The following HERC5 variants were observed in gnomAD, a reference collection of about 807,000 sequenced individuals.
The protein encoded by HERC5 is E3 ISG15--protein ligase HERC5.
In HERC5, 99 loss-of-function variants were observed where a neutral mutation model predicts 119.6. The observed-to-expected ratio is 0.83, with a 90% CI of 0.70 to 0.98. The LOEUF (loss-of-function observed/expected upper bound fraction) is 0.98, where lower values mean the gene tolerates loss of function less well. Among genes scored for constraint, HERC5 ranks in the 50% least tolerant of loss-of-function variants. The probability of loss-of-function intolerance (pLI) is 0.00; values close to 1 mark genes in which losing one functional copy is unlikely to be tolerated. For synonymous variants in HERC5, 478 were observed against 445.9 expected (o/e 1.07, Z -0.91); for missense variants, 1,267 against 1,241.3 (o/e 1.02, Z -0.31).
At chr4:88,466,927 G>T (rs935071677) in intron 6 of HERC5, 132 bp from the exon 7 acceptor site, 3 of 902,566 alleles carry the variant, frequency 3.3e-6, no homozygotes, top group Non-Finnish European at 5.1e-6. Flanking sequence ...GTTTCCAGAT[G>T]ATTTTCATCC....
Position 88,467,126 on chromosome 4 carries a change from C to G in HERC5, c.979C>G (p.Gln327Glu). The G allele has an allele frequency of 6.2e-7, 1 of 1,614,104 alleles. No individual in the cohort carries two copies. The highest frequency in any genetic ancestry group is 8.5e-7 in the Non-Finnish European group (1 of 1,179,980). The change falls in exon 7 of 23, where the codon CAA (glutamine) becomes GAA (glutamate). Residue 327 changes from glutamine to glutamate, a missense_variant. By Grantham distance (29) the Gln-to-Glu change is conservative. Transcript: ENST00000264350. ...TTCCTTTGGTTCTGGAAAAGATGGA[C>G]AACTGGGAAATGGTGGAACACGTGA... Reference protein sequence around the residue: ...VFSFGSGKDGQLGNGGTRDQL... With the variant: ...VFSFGSGKDGELGNGGTRDQL...
At chr4:88,470,987 G>C (rs1385654362) in intron 10 of HERC5, among the ~76,000 whole-genome samples, 1 of 121,890 alleles carries the variant, frequency 8.2e-6, no homozygotes, top group Non-Finnish European at 1.7e-5. Context: ...TTTTTTTTTT[G>C]AGACAGGGTC....
Position 88,479,372 on chromosome 4 carries a change from G to T in HERC5, c.1602G>T (p.Leu534=). 1 of 1,606,466 alleles carries T rather than the reference G, an allele frequency of 6.2e-7. No homozygotes were observed. Among genetic ancestry groups the T allele is most frequent in the South Asian group, 1.1e-5 (1 of 89,312 alleles). Residue 534 remains leucine, a synonymous_variant, in exon 13 of 23, where the codon CTG becomes CTT. Transcript: ENST00000264350. The stretch of plus-strand genomic sequence containing the variant: ...CCTCAGAAGAGTATTGGGCAACTCT[G>T]CAAGAATCCACTTTCAGCAAACTGG... ...SLVLEEYWAT[L]QESTFSKLVQ... is the part of the protein sequence containing the mutation.
intron 21 of HERC5, 24 bp from the exon 22 acceptor site, chr4:88,504,471 A>C (rs1742047465): frequency 6.4e-7 from 1 of 1,569,660 alleles, no homozygotes; most frequent in South Asian, 1.2e-5. Flanking sequence ...TTTCCTCAAT[A>C]ACTTTTTTTT....
At position 88,475,922 on chromosome 4, in the gene HERC5, C is replaced by T. The variant is rs1741049029; in HGVS notation, c.1474C>T (p.Leu492Phe). Residue 492 changes from leucine to phenylalanine, a missense_variant, in exon 12 of 23, where the codon CTT (leucine) becomes TTT (phenylalanine). Leu to Phe is a conservative substitution (Grantham distance 22, BLOSUM62 0). Coordinates refer to ENST00000264350, the MANE Select transcript of HERC5 (RefSeq NM_016323.4). ...CCAAGAAGCTTTAGAAATTTTCTTC[C>T]TTCTCCCAGAATGTCCTATGATGCA... ...PPQEALEIFF[L>F]LPECPMMHIS... 1 of 1,613,886 alleles carries T rather than the reference C, an allele frequency of 6.2e-7. No individual in the cohort carries two copies. The highest frequency in any genetic ancestry group is 8.5e-7 in the Non-Finnish European group (1 of 1,179,878).
Position 88,494,181 on chromosome 4 carries a change from A to G in HERC5, c.2294A>G (p.Lys765Arg). The G allele has an allele frequency of 6.2e-7, 1 of 1,608,834 alleles. No individual in the cohort carries two copies. The highest frequency in any genetic ancestry group is 8.5e-7 in the Non-Finnish European group (1 of 1,178,422). ...GCTTTTCAGCCTAAATTTGAGAAGA[A>G]AAGATACTTCTTTTTTGGGGTTCTA... ...WFPVKPKFEKKRYFFFGVLCG... is the reference protein window; with the variant it reads ...WFPVKPKFEKRRYFFFGVLCG... The change falls in exon 18 of 23, where the codon AAA becomes AGA. Residue 765 changes from lysine to arginine, a missense_variant. By Grantham distance (26) the Lys-to-Arg change is conservative (BLOSUM62 2). Coordinates refer to ENST00000264350, the MANE Select transcript of HERC5 (RefSeq NM_016323.4).
intron 18 of HERC5, 135 bp from the exon 19 acceptor site, chr4:88,499,791 G>T (rs1251672680): frequency 5.1e-6 from 3 of 585,184 alleles, no homozygotes; most frequent in Non-Finnish European, 9.1e-6. Context: ...CTATCAGTAC[G>T]CAGAGAAAGA....
At chr4:88,505,613 C>T (rs753034336) in intron 22 of HERC5, 60 bp from the exon 23 acceptor site, 78 of 975,414 alleles carry the variant, frequency 8.0e-5, no homozygotes, top group Non-Finnish European at 1.1e-4. Flanking sequence ...ATTTTTTTCT[C>T]TGTAAAGAGA....
chr4:88,463,930 C>A lies in HERC5; in HGVS notation c.856C>A (p.Pro286Thr), dbSNP rs749403305. 17 of 1,613,788 alleles carry A rather than the reference C, an allele frequency of 1.1e-5. No individual in the cohort carries two copies. Among genetic ancestry groups the A allele is most frequent in the East Asian group, 2.2e-5 (1 of 44,872 alleles). ...GHNSTQNELR[P>T]CLVAELVGYR... ...TAATTCAACACAGAATGAGCTAAGA[C>A]CCTGTTTGGTGGCTGAGCTTGTTGG... Residue 286 changes from proline to threonine, a missense_variant, in exon 6 of 23, where the codon CCC (proline) becomes ACC (threonine). Pro to Thr is a conservative substitution (Grantham distance 38). Coordinates refer to ENST00000264350, the MANE Select transcript of HERC5 (RefSeq NM_016323.4).
chr4:88,481,346 C>T (rs2149098566), intron 13 of HERC5, among the ~76,000 whole-genome samples: 1 of 152,274 alleles, frequency 6.6e-6, no homozygotes, highest in Admixed American at 6.5e-5. Context: ...AGCCACTGTG[C>T]CAGGCCAATA....
chr4:88,500,973 A>C lies in HERC5; in HGVS notation c.2570A>C (p.Asn857Thr). The C allele has an allele frequency of 6.2e-7, 1 of 1,610,062 alleles. No individual in the cohort carries two copies. The highest frequency in any genetic ancestry group is 8.5e-7 in the Non-Finnish European group (1 of 1,178,020). ...LIPNGSSITVNQTNKRDYVSK... is the reference protein window; with the variant it reads ...LIPNGSSITVTQTNKRDYVSK... ...CCTAATGGAAGTAGCATAACTGTCA[A>C]CCAGACTAACAAGTAGGTACAAAAA... is the stretch of plus-strand genomic sequence containing the variant. Residue 857 changes from asparagine (N) to threonine (T), a missense_variant, in exon 20 of 23, where the codon AAC (asparagine) becomes ACC (threonine). This residue lies in a region of HERC5 where 473 missense variants were observed against 445.7 expected (regional missense o/e 1.06). Transcript: ENST00000264350.
intron 12 of HERC5, among the ~76,000 whole-genome samples, chr4:88,478,685 C>T (rs2149097071): frequency 6.6e-6 from 1 of 152,182 alleles, no homozygotes; most frequent in African/African-American, 2.4e-5. Flanking sequence ...AATCTCAGCT[C>T]ACTGCAGCCT....
Position 88,470,608 on chromosome 4 carries a change from A to T in HERC5, c.1239-6A>T, listed in dbSNP as rs765078361. The stretch of plus-strand genomic sequence containing the variant: ...TGGTTTAACCAGTGTCTTATTACTA[A>T]TATAGGGAAATCCAAGAGATATTTT... On this transcript the variant is annotated splice_region_variant and splice_polypyrimidine_tract_variant and intron_variant, in intron 9 of 22. Transcript: ENST00000264350. The T allele has an allele frequency of 1.3e-5, 19 of 1,488,096 alleles. No homozygotes were observed. In the Admixed American group the frequency reaches 3.4e-4, roughly 26 times the overall value. 92.2% of individuals were successfully genotyped at this position (1,488,096 alleles called of 1,614,324 possible). A position where few individuals can be genotyped will look rare whatever the true frequency, so the allele number is the denominator to read the frequency against.
At chr4:88,492,503 G>A (rs1329766373) in intron 16 of HERC5, among the ~76,000 whole-genome samples, 3 of 151,812 alleles carry the variant, frequency 2.0e-5, no homozygotes, top group East Asian at 2.0e-4. Context: ...CAGCGCTTTG[G>A]GAGGCTGAGG....
intron 16 of HERC5, among the ~76,000 whole-genome samples, chr4:88,491,597 A>G (rs1406224872): frequency 1.3e-5 from 2 of 152,194 alleles, no homozygotes; most frequent in African/African-American, 4.8e-5. Flanking sequence ...TAACGAAATC[A>G]AGGAGATGAG....
chr4:88,463,155 G>A (rs2149085403), intron 4 of HERC5, among the ~76,000 whole-genome samples: 1 of 152,348 alleles, frequency 6.6e-6, no homozygotes, highest in South Asian at 2.1e-4. Context: ...AAAAGAAGAG[G>A]TAGTGTCAGG....
chr4:88,471,465 C>T (rs1296142689), intron 10 of HERC5, among the ~76,000 whole-genome samples: 1 of 151,936 alleles, frequency 6.6e-6, no homozygotes, highest in East Asian at 1.9e-4. Flanking sequence ...CTTAGCCTTC[C>T]ACGTAGCTGG....
At chr4:88,473,608 G>C (rs1740951392) in intron 11 of HERC5, 1 of 152,178 alleles carries the variant, frequency 6.6e-6, no homozygotes, top group African/African-American at 2.4e-5. Flanking sequence ...ACAACACTTA[G>C]TGCTGCCTGT....
Position 88,462,235 on chromosome 4 carries a change from AG to A in HERC5, c.569del (p.Gly190GlufsTer34). The A allele has an allele frequency of 1.2e-6, 2 of 1,614,216 alleles. No homozygotes were observed. The highest frequency in any genetic ancestry group is 1.7e-6 in the Non-Finnish European group (2 of 1,180,034). ...TTPQIVEHLA[G>X]VPLAQISAGE... The stretch of plus-strand genomic sequence containing the variant: ...CACCACAGATTGTGGAGCACCTCGC[AG>A]GAGTACCCTTGGCTCAGATTTCTGC... On this transcript the variant is annotated frameshift_variant, in exon 4 of 23. Transcript: ENST00000264350. LOFTEE classifies it high-confidence loss of function.
Sources: allele counts gnomAD v4.1 joint callset (sites outside exome capture counted in the v4.1 genomes callset), GRCh38; gene constraint gnomAD v4.1.1; regional missense constraint gnomAD v4.1.1; transcripts MANE v1.5; gene names NCBI Gene and HGNC (gene_info 2026-07-23, HGNC 2026-07-21).